TRIM33: variants seen among roughly 807,000 people sequenced by gnomAD.
TRIM33 encodes the protein E3 ubiquitin-protein ligase TRIM33.
In TRIM33, 20 loss-of-function variants were observed where a neutral mutation model predicts 125.4. The observed-to-expected ratio is 0.16, with a 90% CI of 0.11 to 0.23. The LOEUF is 0.23. Ranked by LOEUF, TRIM33 falls within the 10% of genes least tolerant of loss-of-function variation. The pLI, the probability that TRIM33 is intolerant of heterozygous loss-of-function variation, is 1.00. For synonymous variants in TRIM33, 564 were observed against 513.9 expected (o/e 1.10, Z -1.32); for missense variants, 920 against 1,411.4 (o/e 0.65, Z 5.58).
intron 1 of TRIM33, chr1:114,468,607 G>A (rs1315298990): frequency 1.7e-5 from 7 of 417,066 alleles, no homozygotes; most frequent in African/African-American, 6.3e-5. Context: ...TGAAGAAGGT[G>A]TAAAGGATCT....
intron 11 of TRIM33, among the ~76,000 whole-genome samples, chr1:114,419,748 A>G (rs932265502): frequency 1.3e-5 from 2 of 152,200 alleles, no homozygotes; most frequent in African/African-American, 4.8e-5. Context: ...TGAGTAAATT[A>G]CAGCTGCTCT....
chr1:114,397,590 T>TTTTTTTTTTTTTTTTTG lies in TRIM33; in HGVS notation c.*57_*58insCAAAAAAAAAAAAAAAA. On this transcript the variant is annotated 3_prime_UTR_variant, in exon 20 of 20. Transcript: ENST00000358465. Reference sequence around the variant, plus strand: ...TTAAAAGTTTTCTGGGTTTTTTGTGTTTTTTTTTTTTTTTTCGTTTTTTTT... The same window carrying TTTTTTTTTTTTTTTTTG: ...TTAAAAGTTTTCTGGGTTTTTTGTGTTTTTTTTTTTTTTTTTGTTTTTTTTTTTTTTTCGTTTTTTTT... 2 of 582,176 alleles carry TTTTTTTTTTTTTTTTTG rather than the reference T, an allele frequency of 3.4e-6. No homozygotes were observed. The highest frequency in any genetic ancestry group is 4.8e-6 in the Non-Finnish European group (2 of 420,774). The allele number at this position is 582,176 out of a possible 1,614,324, so 36.1% of individuals were successfully genotyped here.
At chr1:114,461,215 A>AAAAATAT (rs1189329511) in intron 4 of TRIM33, among the ~76,000 whole-genome samples, 2 of 133,154 alleles carry the variant, frequency 1.5e-5, no homozygotes, top group African/African-American at 5.4e-5. Flanking sequence ...TGTCTTTAAA[A>AAAAATAT]ATATATATAT....
chr1:114,419,233 TGAAAAA>T (rs1015639356), intron 11 of TRIM33, among the ~76,000 whole-genome samples: 34 of 132,862 alleles, frequency 2.6e-4, no homozygotes, highest in South Asian at 1.2e-3. Context: ...AAAGAAAGAA[TGAAAAA>T]GAAAAAGAAA....
intron 1 of TRIM33, among the ~76,000 whole-genome samples, chr1:114,475,769 T>A (rs1031602502): frequency 6.6e-6 from 1 of 152,052 alleles, no homozygotes; most frequent in African/African-American, 2.4e-5. Context: ...AAAAGAAATC[T>A]ATCAACAAAA....
chr1:114,410,139 T>A, intron 12 of TRIM33, 45 bp downstream of exon 12: 1 of 1,607,428 alleles, frequency 6.2e-7, no homozygotes, highest in Non-Finnish European at 8.5e-7. Flanking sequence ...ACTGACACTG[T>A]TTTTTTAAGG....
chr1:114,461,154 T>A (rs112938093), intron 4 of TRIM33, among the ~76,000 whole-genome samples: 14,807 of 150,540 alleles, frequency 0.098, 925 homozygotes, highest in Non-Finnish European at 0.13. Context: ...GAGGCTGCAG[T>A]GAGCTATGAT....
At chr1:114,494,363 C>T (rs984075857) in intron 1 of TRIM33, among the ~76,000 whole-genome samples, 3 of 152,156 alleles carry the variant, frequency 2.0e-5, no homozygotes, top group African/African-American at 7.2e-5. Flanking sequence ...AAAGTATTAA[C>T]ACAGGTTATG....
chr1:114,473,755 CAATA>C (rs1255754614), intron 1 of TRIM33, among the ~76,000 whole-genome samples: 2 of 152,000 alleles, frequency 1.3e-5, no homozygotes, highest in East Asian at 1.9e-4. Flanking sequence ...CAATGAACAA[CAATA>C]AATACATGAG....
intron 1 of TRIM33, 67 bp downstream of exon 1, chr1:114,510,484 T>C: frequency 7.2e-7 from 1 of 1,381,628 alleles, no homozygotes; most frequent in Admixed American, 3.0e-5. Flanking sequence ...AGCACCTCCG[T>C]CCCCAGCTCC....
intron 4 of TRIM33, among the ~76,000 whole-genome samples, chr1:114,435,267 A>T (rs1213254922): frequency 6.6e-6 from 1 of 152,232 alleles, no homozygotes; most frequent in African/African-American, 2.4e-5. Flanking sequence ...TGGTTGGTAC[A>T]GCCAAACAAA....
intron 13 of TRIM33, among the ~76,000 whole-genome samples, chr1:114,407,370 ACTC>A (rs1362002721): frequency 2.0e-5 from 3 of 151,938 alleles, no homozygotes; most frequent in Admixed American, 6.6e-5. Flanking sequence ...ACACACACAC[ACTC>A]CTATTTCTTA....
chr1:114,489,609 C>T (rs1651924929), intron 1 of TRIM33, among the ~76,000 whole-genome samples: 1 of 151,708 alleles, frequency 6.6e-6, no homozygotes, highest in African/African-American at 2.4e-5. Context: ...TAGCTGGGTG[C>T]AGTGGTGCAC....
At chr1:114,417,248 T>G (rs1652991396) in intron 11 of TRIM33, among the ~76,000 whole-genome samples, 1 of 152,202 alleles carries the variant, frequency 6.6e-6, no homozygotes, top group Non-Finnish European at 1.5e-5. Flanking sequence ...TTTGAGGTGA[T>G]GAAAATATTC....
chr1:114,407,219 G>T, intron 13 of TRIM33, 119 bp from the exon 14 acceptor site: 1 of 824,266 alleles, frequency 1.2e-6, no homozygotes, highest in African/African-American at 1.7e-5. Flanking sequence ...CTTTACAGAA[G>T]ATAAGGATAC....
chr1:114,491,568 A>G (rs540094704), intron 1 of TRIM33, among the ~76,000 whole-genome samples: 21 of 152,264 alleles, frequency 1.4e-4, no homozygotes, highest in African/African-American at 5.1e-4. Flanking sequence ...TTGGGAGGCT[A>G]AAGTAGGTAG....
At chr1:114,426,131 C>T (rs1015572079) in intron 8 of TRIM33, among the ~76,000 whole-genome samples, 2 of 152,166 alleles carry the variant, frequency 1.3e-5, no homozygotes, top group African/African-American at 4.8e-5. Flanking sequence ...CAAGGCAGAG[C>T]ATTACAATGT....
intron 4 of TRIM33, among the ~76,000 whole-genome samples, chr1:114,435,985 G>A (rs71664843): frequency 0.15 from 21,848 of 146,288 alleles, 1,870 homozygotes; most frequent in Non-Finnish European, 0.19. Flanking sequence ...CTCCTGCCTC[G>A]GCCAAAATGC....
chr1:114,486,113 T>C (rs6693073), intron 1 of TRIM33, among the ~76,000 whole-genome samples: 6,714 of 151,086 alleles, frequency 0.044, 473 homozygotes, highest in African/African-American at 0.15. Context: ...CCATCTCTAC[T>C]AAAAATACAA....
Sources: allele counts gnomAD v4.1 joint callset (sites outside exome capture counted in the v4.1 genomes callset), GRCh38; gene constraint gnomAD v4.1.1; transcripts MANE v1.5; gene names NCBI Gene and HGNC (gene_info 2026-07-23, HGNC 2026-07-21).